The following AFF4 variants were observed in gnomAD, a reference collection of about 807,000 sequenced individuals.
AFF4 encodes the protein ALF transcription elongation factor 4.
In AFF4, 13 loss-of-function variants were observed where a neutral mutation model predicts 124.8. That is an observed-to-expected ratio of 0.10 (90% confidence interval 0.07 to 0.17). The LOEUF (loss-of-function observed/expected upper bound fraction) is 0.17, where lower values mean the gene tolerates loss of function less well. Among genes scored for constraint, AFF4 ranks in the 10% least tolerant of loss-of-function variants. AFF4 has a pLI of 1.00. For synonymous variants in AFF4, 477 were observed against 496.1 expected (o/e 0.96, Z 0.51); for missense variants, 1,092 against 1,403.8 (o/e 0.78, Z 3.55).
At chr5:132,947,870 G>T (rs984773085) in intron 1 of AFF4, among the ~76,000 whole-genome samples, 1 of 152,120 alleles carries the variant, frequency 6.6e-6, no homozygotes, top group African/African-American at 2.4e-5. Flanking sequence ...AAGGACCTTT[G>T]CCCCAAAGTT....
chr5:132,938,675 GGCTCAC>G (rs927086707), intron 1 of AFF4, among the ~76,000 whole-genome samples: 166 of 152,002 alleles, frequency 1.1e-3, no homozygotes, highest in African/African-American at 4.0e-3. Context: ...CGGCCTGAGC[GGCTCAC>G]GCCTGTAAAC....
chr5:132,941,336 CTTTTT>C (rs148097163), intron 1 of AFF4, among the ~76,000 whole-genome samples: 3,524 of 151,956 alleles, frequency 0.023, 139 homozygotes, highest in African/African-American at 0.081. Context: ...CTTTTCTTTT[CTTTTT>C]TATTTTTTTT....
intron 9 of AFF4, 52 bp downstream of exon 9, chr5:132,899,052 A>T: frequency 6.6e-7 from 1 of 1,526,102 alleles, no homozygotes; most frequent in Non-Finnish European, 9.1e-7. Context: ...CTGCAATGTT[A>T]TCAGGCTGAC....
chr5:132,892,006 T>C (rs1760270697), intron 13 of AFF4, 158 bp downstream of exon 13: 1 of 1,128,706 alleles, frequency 8.9e-7, no homozygotes, highest in Non-Finnish European at 1.3e-6. Flanking sequence ...CTTATATCAC[T>C]GTATTCATTT....
rs767338425 is a variant in AFF4, at chr5:132,934,208, T to A, written c.857A>T (p.Glu286Val). ...ATGTGCTTTGCTGCTGGGCTTCAGCTCAGTCATGCTGTTGCCATGGGATTG... is the reference window on the plus strand; with the variant it reads ...ATGTGCTTTGCTGCTGGGCTTCAGCACAGTCATGCTGTTGCCATGGGATTG... ...SSQSHGNSMT[E>V]LKPSSKAHLT... The change falls in exon 3 of 21, where the codon GAG (glutamate) becomes GTG (valine). Residue 286 changes from glutamate (E) to valine (V), a missense_variant. Transcript: ENST00000265343. 1.2e-5 allele frequency: 19 copies of A among 1,614,080 alleles called. No homozygotes were observed. The highest frequency in any genetic ancestry group is 1.7e-5 in the Admixed American group (1 of 59,988).
At chr5:132,884,080 C>T (rs182537606) in intron 19 of AFF4, among the ~76,000 whole-genome samples, 149 of 152,282 alleles carry the variant, frequency 9.8e-4, no homozygotes, top group Non-Finnish European at 1.5e-3. Context: ...GTAATCACCC[C>T]AAGCTTCCTG....
intron 17 of AFF4, 44 bp downstream of exon 17, chr5:132,887,477 A>C (rs887526381): frequency 3.3e-6 from 5 of 1,526,238 alleles, no homozygotes; most frequent in Non-Finnish European, 4.5e-6. Flanking sequence ...TATTTATTAT[A>C]GAACTTCCTG....
intron 9 of AFF4, among the ~76,000 whole-genome samples, chr5:132,898,735 C>T (rs184248456): frequency 8.8e-4 from 134 of 152,252 alleles, no homozygotes; most frequent in African/African-American, 3.0e-3. Flanking sequence ...CCACCCGCCT[C>T]GGCCTCCCAA....
At chr5:132,950,645 T>C (rs1314854342) in intron 1 of AFF4, among the ~76,000 whole-genome samples, 1 of 152,016 alleles carries the variant, frequency 6.6e-6, no homozygotes, top group Non-Finnish European at 1.5e-5. Context: ...CGAGACTCCA[T>C]GTCAAAAATA....
chr5:132,936,043 G>A (rs1487153660), intron 2 of AFF4, among the ~76,000 whole-genome samples: 3 of 151,796 alleles, frequency 2.0e-5, no homozygotes, highest in South Asian at 2.1e-4. Flanking sequence ...TGAGGCGGGC[G>A]GATCATGAGG....
Position 132,885,124 on chromosome 5 carries a change from G to T in AFF4, c.3100-5C>A. The T allele has an allele frequency of 6.3e-7, 1 of 1,590,562 alleles. No individual in the cohort carries two copies. Among genetic ancestry groups the T allele is most frequent in the South Asian group, 1.2e-5 (1 of 86,414 alleles). On this transcript the variant is annotated splice_region_variant and splice_polypyrimidine_tract_variant and intron_variant, in intron 18 of 20. Transcript: ENST00000265343. Reference sequence around the variant, plus strand: ...TTGAGAATTATTATAAGAATTCTGTGGAAAAAGTAAAATGTACTTAACAAC... The same window carrying T: ...TTGAGAATTATTATAAGAATTCTGTTGAAAAAGTAAAATGTACTTAACAAC...
At chr5:132,954,494 T>G (rs1761909405) in intron 1 of AFF4, among the ~76,000 whole-genome samples, 1 of 150,180 alleles carries the variant, frequency 6.7e-6, no homozygotes, top group Non-Finnish European at 1.5e-5. Flanking sequence ...CATCTAGGGG[T>G]GGTTGCCCAC....
At position 132,902,471 on chromosome 5, in the gene AFF4, A is replaced by G. The variant is rs185566992; in HGVS notation, c.1104T>C (p.Ser368=). ...GTGEQKRYNP[S]KTSNGHQSKS... ...TAGACTGGTGCCCATTTGAAGTTTTAGAAGGATTATATCTTTCTGGAACAA... is the reference window on the plus strand; with the variant it reads ...TAGACTGGTGCCCATTTGAAGTTTTGGAAGGATTATATCTTTCTGGAACAA... Residue 368 remains serine, a synonymous_variant, in exon 7 of 21, where the codon TCT becomes TCC. Coordinates refer to ENST00000265343, the MANE Select transcript of AFF4 (RefSeq NM_014423.4). The G allele has an allele frequency of 2.4e-5, 38 of 1,608,662 alleles. No individual in the cohort carries two copies. Among genetic ancestry groups the G allele is most frequent in the Non-Finnish European group, 1.6e-5 (19 of 1,175,254 alleles).
intron 5 of AFF4, among the ~76,000 whole-genome samples, chr5:132,912,500 A>G (rs567355180): frequency 3.3e-5 from 5 of 152,116 alleles, no homozygotes; most frequent in African/African-American, 1.2e-4. Context: ...AGCTGGGACC[A>G]CAGGTACGTA....
At chr5:132,900,956 A>G (rs1760536101) in intron 7 of AFF4, 2 of 985,230 alleles carry the variant, frequency 2.0e-6, no homozygotes. Flanking sequence ...TTTCCTCCTC[A>G]AAGTTTAACC....
At chr5:132,942,748 C>T (rs1761603305) in intron 1 of AFF4, among the ~76,000 whole-genome samples, 2 of 152,230 alleles carry the variant, frequency 1.3e-5, no homozygotes, top group South Asian at 4.1e-4. Flanking sequence ...GAGGCGTAAG[C>T]CATTGCACCC....
intron 13 of AFF4, 57 bp from the exon 14 acceptor site, chr5:132,889,230 T>A: frequency 8.1e-7 from 1 of 1,229,644 alleles, no homozygotes; most frequent in Non-Finnish European, 1.2e-6. Flanking sequence ...AAAATGAAAC[T>A]AATAGCATTT....
rs372278279 is a variant in AFF4, at chr5:132,954,197, A to T, written c.-5+9062T>A. The stretch of plus-strand genomic sequence containing the variant: ...CCATGGATGGACAGGGGTTGCGGGG[A>T]GATGATTTTGAAAGAAAACCATTTC... On this transcript the variant is annotated intron_variant, in intron 1 of 20. Transcript: ENST00000265343. 2.2e-4 allele frequency among the ~76,000 whole-genome samples: 33 copies of T among 152,282 alleles called. No individual in the cohort carries two copies. In the East Asian group the frequency reaches 6.2e-3, roughly 28 times the overall value.
At chr5:132,921,408 G>C (rs947266714) in intron 5 of AFF4, among the ~76,000 whole-genome samples, 1 of 151,720 alleles carries the variant, frequency 6.6e-6, no homozygotes, top group Non-Finnish European at 1.5e-5. Context: ...ATATACCATT[G>C]GCAGGAATAA....
Sources: gnomAD v4.1 joint callset for allele counts (sites outside exome capture counted in the v4.1 genomes callset) on GRCh38, gnomAD v4.1.1 for gene constraint, MANE v1.5 for transcripts, NCBI Gene and HGNC (gene_info 2026-07-23, HGNC 2026-07-21) for gene names.